Variants in PCDHGB4 observed in about 807,000 individuals in gnomAD.
PCDHGB4 encodes protocadherin gamma subfamily B, 4, also known as protocadherin gamma-B4.
PCDHGB4 carries 38 observed loss-of-function variants against 60.5 expected under a neutral mutation model. The observed-to-expected ratio is 0.63, with a 90% confidence interval of 0.48 to 0.82. PCDHGB4 has a LOEUF of 0.82. Ranked by LOEUF, PCDHGB4 falls within the 40% of genes least tolerant of loss-of-function variation. The probability of loss-of-function intolerance (pLI) is 0.00; values close to 1 mark genes in which losing one functional copy is unlikely to be tolerated. For synonymous variants in PCDHGB4, 456 were observed against 509.7 expected (o/e 0.89, Z 1.42); for missense variants, 1,109 against 1,209.6 (o/e 0.92, Z 1.23).
chr5:141,421,161 T>C (rs2096550274), intron 1 of PCDHGB4: 7 of 1,259,920 alleles, frequency 5.6e-6, no homozygotes, highest in Non-Finnish European at 7.5e-6. Flanking sequence ...TAGGACTTCA[T>C]AGATACATAA....
rs1456184444 is a variant in PCDHGB4, at chr5:141,512,578, C to G, written c.*1405C>G. ...ATAGACCTTCTTCTCCCACCCCCTT[C>G]TGCCCCTGGGTCCCCGGCCATCCAG... On this transcript the variant is annotated 3_prime_UTR_variant, in exon 4 of 4. Coordinates refer to ENST00000519479, the MANE Select transcript of PCDHGB4 (RefSeq NM_003736.4). The G allele has an allele frequency of 6.5e-6, 1 of 153,062 alleles. No individual in the cohort carries two copies. The highest frequency in any genetic ancestry group is 1.5e-5 in the Non-Finnish European group (1 of 68,534). 9.5% of individuals were successfully genotyped at this position (153,062 alleles called of 1,614,324 possible). A position where few individuals can be genotyped will look rare whatever the true frequency, so the allele number is the denominator to read the frequency against.
At chr5:141,480,859 A>G (rs1197372110) in intron 1 of PCDHGB4, among the ~76,000 whole-genome samples, 2 of 152,178 alleles carry the variant, frequency 1.3e-5, no homozygotes, top group Non-Finnish European at 2.9e-5. Context: ...AGCCTGGCCA[A>G]TATGGTGAAA....
intron 1 of PCDHGB4, among the ~76,000 whole-genome samples, chr5:141,464,886 A>T (rs541933775): frequency 5.2e-4 from 79 of 152,156 alleles, no homozygotes; most frequent in African/African-American, 1.9e-3. Flanking sequence ...CTACAGATGG[A>T]TGCCACCATG....
chr5:141,510,825 G>C, intron 3 of PCDHGB4, 122 bp from the exon 4 acceptor site: 2 of 1,566,486 alleles, frequency 1.3e-6, no homozygotes, highest in Non-Finnish European at 1.7e-6. Flanking sequence ...TATATTCCCA[G>C]TGCTCAGCGT....
chr5:141,492,998 C>A (rs2154589328), intron 1 of PCDHGB4, among the ~76,000 whole-genome samples: 1 of 152,334 alleles, frequency 6.6e-6, no homozygotes, highest in Admixed American at 6.5e-5. Flanking sequence ...AGATGGAAAG[C>A]TATAGGCTCT....
At chr5:141,426,898 C>T (rs1246109323) in intron 1 of PCDHGB4, 1 of 456,634 alleles carries the variant, frequency 2.2e-6, no homozygotes, top group African/African-American at 2.0e-5. Flanking sequence ...CAACAGAGCT[C>T]TCATCTCCTG....
In PCDHGB4 at chr5:141,409,757, G is replaced by T. The variant is rs376391018; in HGVS notation, c.2397+19476G>T. On this transcript the variant is annotated intron_variant, in intron 1 of 3. Coordinates refer to ENST00000519479, the MANE Select transcript of PCDHGB4 (RefSeq NM_003736.4). ...GAGCGGGGTGGTGTTCGCGCAGCGC[G>T]CCTTTGATCACGAGCAGCTGCGCGC... is the stretch of plus-strand genomic sequence containing the variant. 5 of 1,612,868 alleles carry T rather than the reference G, an allele frequency of 3.1e-6. No homozygotes were observed. In the East Asian group the frequency reaches 6.7e-5, roughly 22 times the overall value.
chr5:141,404,592 C>T, intron 1 of PCDHGB4: 1 of 1,614,048 alleles, frequency 6.2e-7, no homozygotes, highest in African/African-American at 1.3e-5. Flanking sequence ...AGCAATGTGT[C>T]ATTGAGACTG....
intron 1 of PCDHGB4, among the ~76,000 whole-genome samples, chr5:141,444,463 G>T (rs570185430): frequency 6.6e-6 from 1 of 152,144 alleles, no homozygotes; most frequent in Admixed American, 6.5e-5. Flanking sequence ...GAGTCACTGC[G>T]CCCGGTCGCG....
chr5:141,404,952 G>A (rs2094589054), intron 1 of PCDHGB4: 3 of 1,614,030 alleles, frequency 1.9e-6, no homozygotes, highest in African/African-American at 1.3e-5. Flanking sequence ...ATAGCTGACA[G>A]CATCCCAGAC....
At chr5:141,433,343 G>A (rs1591274674) in intron 1 of PCDHGB4, 1 of 630,308 alleles carries the variant, frequency 1.6e-6, no homozygotes, top group Admixed American at 3.0e-5. Flanking sequence ...ACAGGTGCAA[G>A]CCACCTACTG....
Position 141,481,556 on chromosome 5 carries a change from G to A in PCDHGB4, c.2398-13251G>A, listed in dbSNP as rs553126587. Among the ~76,000 whole-genome samples the A allele has an allele frequency of 1.2e-4, 18 of 152,266 alleles. No homozygotes were observed. The South Asian group carries it at 1.4e-3, about 12-fold the overall frequency. On this transcript the variant is annotated intron_variant, in intron 1 of 3. Coordinates refer to ENST00000519479, the MANE Select transcript of PCDHGB4 (RefSeq NM_003736.4). ...GATGGGGCTGGGCTCAGTGGCTCAC[G>A]CCTGTAATCCCAGTACTTAGGGAGG...
At chr5:141,423,448 T>A (rs780751840) in intron 1 of PCDHGB4, 1 of 1,613,992 alleles carries the variant, frequency 6.2e-7, no homozygotes, top group East Asian at 2.2e-5. Context: ...CACGTCACAT[T>A]TTGTAGGCGT....
chr5:141,392,911 A>G (rs1416480997), intron 1 of PCDHGB4: 1 of 1,613,712 alleles, frequency 6.2e-7, no homozygotes, highest in African/African-American at 1.3e-5. Context: ...CAGATTCGCT[A>G]CTCTGTGCCA....
intron 1 of PCDHGB4, chr5:141,427,984 C>T (rs754620535): frequency 1.9e-6 from 3 of 1,597,494 alleles, no homozygotes; most frequent in South Asian, 1.1e-5. Context: ...GCGCTGGGGC[C>T]CGATGGCTCC....
chr5:141,428,367 G>C, intron 1 of PCDHGB4: 1 of 546,792 alleles, frequency 1.8e-6, no homozygotes, highest in South Asian at 1.9e-5. Context: ...CGGTCGCCTT[G>C]CACCTGCGAT....
At chr5:141,461,170 G>T (rs1347666737) in intron 1 of PCDHGB4, among the ~76,000 whole-genome samples, 1 of 152,052 alleles carries the variant, frequency 6.6e-6, no homozygotes. Context: ...GGGATTGCTG[G>T]ATTGAATGGT....
chr5:141,492,552 T>A (rs1444534113), intron 1 of PCDHGB4, among the ~76,000 whole-genome samples: 1 of 152,084 alleles, frequency 6.6e-6, no homozygotes, highest in African/African-American at 2.4e-5. Context: ...CCGGGTCGCC[T>A]GGGGGGCGGC....
Position 141,487,819 on chromosome 5 carries a change from C to T in PCDHGB4, c.2398-6988C>T, listed in dbSNP as rs559702138. 28 of 1,285,530 alleles carry T rather than the reference C, an allele frequency of 2.2e-5. No homozygotes were observed. The highest frequency in any genetic ancestry group is 7.6e-5 in the East Asian group (3 of 39,466). 79.6% of individuals were successfully genotyped at this position (1,285,530 alleles called of 1,614,324 possible). ...AGTTGTCACAGTTTAGCATTGGGGG[C>T]GGGTCATGCCTATATCTGAGTAAGA... is the stretch of plus-strand genomic sequence containing the variant. On this transcript the variant is annotated intron_variant, in intron 1 of 3. Transcript: ENST00000519479. The surrounding 1 kb of genome is among the most constrained non-coding windows in gnomAD (Gnocchi z 5.0).
Sources: gnomAD v4.1 joint callset for allele counts (sites outside exome capture counted in the v4.1 genomes callset) on GRCh38, gnomAD v4.1.1 for gene constraint, Gnocchi (gnomAD v3.1) non-coding constraint, MANE v1.5 for transcripts, NCBI Gene and HGNC (gene_info 2026-07-23, HGNC 2026-07-21) for gene names.